Variants in WDR47 observed in about 807,000 individuals in gnomAD.
The protein encoded by WDR47 is WD repeat-containing protein 47.
A neutral mutation model predicts 97.2 loss-of-function variants in WDR47; 32 were observed. That is an observed-to-expected ratio of 0.33 (90% CI 0.25 to 0.44). The LOEUF is 0.44. WDR47 is among the 20% of genes least tolerant of loss of function. The pLI is 1.00. For synonymous variants in WDR47, 375 were observed against 373.5 expected, an observed-to-expected ratio of 1.00 and a Z score of -0.05; for missense variants, 782 against 1,102.3, an observed-to-expected ratio of 0.71 and a Z score of 4.11.
At chr1:109,032,271 G>C (rs1662652045) in intron 1 of WDR47, among the ~76,000 whole-genome samples, 1 of 138,508 alleles carries the variant, frequency 7.2e-6, no homozygotes, top group Non-Finnish European at 1.6e-5. Flanking sequence ...CAGCACTTTG[G>C]GAGGCGGAGG....
intron 1 of WDR47, among the ~76,000 whole-genome samples, chr1:109,027,512 T>G (rs773492990): frequency 1.6e-4 from 25 of 152,070 alleles, no homozygotes; most frequent in Non-Finnish European, 2.9e-4. Flanking sequence ...CCTCTGTAAG[T>G]GATATATACT....
At position 108,970,253 on chromosome 1, in the gene WDR47, G is replaced by A. The variant is rs931582868; in HGVS notation, c.*1177C>T. On this transcript the variant is annotated 3_prime_UTR_variant, in exon 15 of 15. Coordinates refer to ENST00000369962, the MANE Select transcript of WDR47 (RefSeq NM_001142551.2). ...AGGTCTTTATTGAAATAATAGCACA[G>A]TTACACTTCTAATACCCTTTCCACT... The A allele has an allele frequency of 2.0e-5, 3 of 152,536 alleles. No individual in the cohort carries two copies. Among genetic ancestry groups the A allele is most frequent in the Non-Finnish European group, 2.9e-5 (2 of 68,018 alleles). The allele number at this position is 152,536 out of a possible 1,614,324, so 9.4% of individuals were successfully genotyped here. A position where few individuals can be genotyped will look rare whatever the true frequency, so the allele number is the denominator to read the frequency against.
intron 1 of WDR47, among the ~76,000 whole-genome samples, chr1:109,032,213 G>A (rs1662647422): frequency 7.2e-6 from 1 of 139,316 alleles, no homozygotes; most frequent in Admixed American, 7.7e-5. Context: ...CAATTCACAT[G>A]ATAAAAACGA....
At chr1:109,020,396 G>C (rs1433361122) in intron 2 of WDR47, among the ~76,000 whole-genome samples, 1 of 151,660 alleles carries the variant, frequency 6.6e-6, no homozygotes, top group East Asian at 1.9e-4. Flanking sequence ...AAGTAGCTAG[G>C]ACTACAGGCA....
chr1:108,975,328 T>C (rs952522739), intron 13 of WDR47, among the ~76,000 whole-genome samples: 1 of 151,662 alleles, frequency 6.6e-6, no homozygotes, highest in African/African-American at 2.4e-5. Flanking sequence ...ATTATTTTGT[T>C]AATTAATTAT....
chr1:109,021,941 G>C (rs545288637), intron 2 of WDR47, among the ~76,000 whole-genome samples: 1 of 151,460 alleles, frequency 6.6e-6, no homozygotes, highest in Non-Finnish European at 1.5e-5. Flanking sequence ...TCTGCCTCTC[G>C]GGCTCAAGTG....
At chr1:109,036,435 G>A (rs776278062) in intron 1 of WDR47, among the ~76,000 whole-genome samples, 40 of 151,490 alleles carry the variant, frequency 2.6e-4, no homozygotes, top group African/African-American at 2.4e-5. Flanking sequence ...AGCCGGGCTT[G>A]GTAGCGTGCG....
intron 8 of WDR47, chr1:108,992,828 C>T (rs144418165): frequency 0.033 from 49,281 of 1,481,056 alleles, 1,137 homozygotes; most frequent in South Asian, 0.082. Context: ...ACTTATGGCA[C>T]GGGAGTAAAT....
intron 2 of WDR47, among the ~76,000 whole-genome samples, chr1:109,018,232 T>C (rs1025475941): frequency 2.0e-5 from 3 of 151,710 alleles, no homozygotes; most frequent in Admixed American, 2.0e-4. Context: ...GCAGATCACC[T>C]GAGGTCAGGA....
At chr1:108,991,469 T>A in intron 8 of WDR47, 140 bp from the exon 9 acceptor site, 1 of 616,282 alleles carries the variant, frequency 1.6e-6, no homozygotes, top group Non-Finnish European at 2.7e-6. Context: ...AGACATTTAT[T>A]AAAATAAGCT....
intron 5 of WDR47, among the ~76,000 whole-genome samples, chr1:109,005,369 C>T (rs993653287): frequency 2.0e-4 from 31 of 152,082 alleles, no homozygotes; most frequent in African/African-American, 4.6e-4. Context: ...GCCAAGATCA[C>T]GCCACTGCAC....
chr1:108,995,393 T>C (rs983871343), intron 8 of WDR47, among the ~76,000 whole-genome samples, 187 bp downstream of exon 8: 1 of 151,744 alleles, frequency 6.6e-6, no homozygotes, highest in Non-Finnish European at 1.5e-5. Flanking sequence ...AGAAGGAAAA[T>C]GGAAACTATA....
chr1:108,978,168 A>T (rs1658064352), intron 13 of WDR47, among the ~76,000 whole-genome samples: 1 of 145,948 alleles, frequency 6.9e-6, no homozygotes, highest in Non-Finnish European at 1.5e-5. Context: ...ATTAAAGTCC[A>T]TCCTTTAATT....
intron 8 of WDR47, among the ~76,000 whole-genome samples, chr1:108,991,983 A>G (rs1659384029): frequency 6.6e-6 from 1 of 152,102 alleles, no homozygotes; most frequent in Admixed American, 6.6e-5. Flanking sequence ...TTAATGTCTC[A>G]CTGTTTACGG....
intron 1 of WDR47, among the ~76,000 whole-genome samples, chr1:109,027,088 C>G (rs490208): frequency 0.98 from 149,722 of 152,116 alleles, 73,735 homozygotes; most frequent in Middle Eastern, 1. Context: ...GCAGAGTCTC[C>G]CTCTGTTGCC....
rs147738484 is a variant in WDR47 at position 109,011,332 on chromosome 1, A to G, written c.714T>C (p.Asp238=). The change falls in exon 5 of 15, where the codon GAT becomes GAC. Residue 238 remains aspartate (D), a synonymous_variant. Transcript: ENST00000369962. The stretch of plus-strand genomic sequence containing the variant: ...ATGACAGTAAACTCAGATCCAAATC[A>G]TCACAACCATTACCACATAAGAGGT... ...GIDLLCGNGC[D]DLDLSLLSWL... The G allele has an allele frequency of 5.8e-4, 937 of 1,614,252 alleles. 5 individuals carry two copies. In the African/African-American group the frequency reaches 0.011, roughly 19 times the overall value.
At chr1:109,021,073 T>C (rs1242628080) in intron 2 of WDR47, among the ~76,000 whole-genome samples, 1 of 152,142 alleles carries the variant, frequency 6.6e-6, no homozygotes, top group Non-Finnish European at 1.5e-5. Flanking sequence ...TGGTATCTCA[T>C]AAAAATAGAA....
intron 6 of WDR47, 88 bp downstream of exon 6, chr1:109,004,504 C>G: frequency 7.0e-7 from 1 of 1,419,138 alleles, no homozygotes. Flanking sequence ...TCCCAAATAT[C>G]AGAAAATTCT....
chr1:109,006,025 TAC>T (rs1660585727), intron 5 of WDR47, among the ~76,000 whole-genome samples: 1 of 152,176 alleles, frequency 6.6e-6, no homozygotes, highest in Admixed American at 6.6e-5. Flanking sequence ...AATATAAACT[TAC>T]AGTTTTGTTA....
Sources: allele counts gnomAD v4.1 joint callset (sites outside exome capture counted in the v4.1 genomes callset), GRCh38; gene constraint gnomAD v4.1.1; transcripts MANE v1.5; gene names NCBI Gene and HGNC (gene_info 2026-07-23, HGNC 2026-07-21).